The following NT5DC3 variants were observed in gnomAD, a reference collection of about 807,000 sequenced individuals.
The protein encoded by NT5DC3 is 5'-nucleotidase domain containing 3, also known as 5'-nucleotidase domain-containing protein 3.
A neutral mutation model predicts 67.8 loss-of-function variants in NT5DC3; 42 were observed. The observed-to-expected ratio is 0.62, with a 90% confidence interval of 0.48 to 0.80. NT5DC3 has a LOEUF of 0.80. NT5DC3 is among the 30% of genes least tolerant of loss of function. The pLI, the probability that NT5DC3 is intolerant of heterozygous loss-of-function variation, is 0.00. For synonymous variants in NT5DC3, 237 were observed against 255.6 expected (o/e 0.93, Z 0.69); for missense variants, 570 against 696.4 (o/e 0.82, Z 2.04).
At chr12:103,836,181 CT>C (rs1186016601) in intron 1 of NT5DC3, among the ~76,000 whole-genome samples, 1 of 152,176 alleles carries the variant, frequency 6.6e-6, no homozygotes, top group Non-Finnish European at 1.5e-5. Context: ...CATTCCGCCC[CT>C]GGTCCCTCCA....
At chr12:103,823,287 C>T (rs1212810854) in intron 1 of NT5DC3, among the ~76,000 whole-genome samples, 2 of 151,492 alleles carry the variant, frequency 1.3e-5, no homozygotes, top group South Asian at 2.1e-4. Flanking sequence ...CGAGGCTTTC[C>T]GTGAATCTCC....
At chr12:103,787,418 C>A (rs767060400) in intron 11 of NT5DC3, 23 bp downstream of exon 11, 1 of 1,359,542 alleles carries the variant, frequency 7.4e-7, no homozygotes, top group East Asian at 2.3e-5. Context: ...TGTCCCCCAA[C>A]AAAGGAAAAA....
chr12:103,815,722 A>C (rs1887222933), intron 1 of NT5DC3, among the ~76,000 whole-genome samples: 1 of 152,180 alleles, frequency 6.6e-6, no homozygotes, highest in Non-Finnish European at 1.5e-5. Flanking sequence ...GTACCTGGCC[A>C]ATGGTGATGG....
intron 4 of NT5DC3, among the ~76,000 whole-genome samples, chr12:103,802,918 C>G (rs1435920411): frequency 6.6e-6 from 1 of 152,224 alleles, no homozygotes; most frequent in East Asian, 1.9e-4. Flanking sequence ...GAGCAGGGAG[C>G]CATCCAGGCA....
At chr12:103,828,350 C>T (rs987759773) in intron 1 of NT5DC3, among the ~76,000 whole-genome samples, 1 of 152,160 alleles carries the variant, frequency 6.6e-6, no homozygotes, top group Admixed American at 6.5e-5. Flanking sequence ...TCCAGAGGCC[C>T]CTCCACTGGC....
intron 1 of NT5DC3, among the ~76,000 whole-genome samples, chr12:103,828,356 C>T (rs1164385426): frequency 2.6e-5 from 4 of 152,228 alleles, no homozygotes; most frequent in Non-Finnish European, 5.9e-5. Context: ...GGCCCCTCCA[C>T]TGGCCAGAGT....
chr12:103,793,313 T>C (rs1291043126), intron 8 of NT5DC3, 48 bp from the exon 9 acceptor site: 37 of 1,557,966 alleles, frequency 2.4e-5, no homozygotes, highest in Non-Finnish European at 3.3e-5. Flanking sequence ...AGAGATTAAC[T>C]GTGTCTGTAA....
chr12:103,799,804 C>CAAAAAAAAAAAAAAAAAAAAAA (rs72379630), intron 4 of NT5DC3, among the ~76,000 whole-genome samples: 3 of 131,494 alleles, frequency 2.3e-5, no homozygotes, highest in Non-Finnish European at 3.2e-5. Flanking sequence ...CTCCACATAC[C>CAAAAAAAAAAAAAAAAAAAAAA]AAAAAAAAAA....
intron 1 of NT5DC3, among the ~76,000 whole-genome samples, chr12:103,822,561 AAAGT>A (rs1294059871): frequency 6.6e-6 from 1 of 152,246 alleles, no homozygotes; most frequent in Non-Finnish European, 1.5e-5. Context: ...GCTAAGAAAT[AAAGT>A]AAGAAGTCAT....
At chr12:103,762,229 G>A in the NT5DC3 span, 1 of 1,607,180 alleles carries the variant, frequency 6.2e-7, no homozygotes, top group Non-Finnish European at 8.5e-7. Context: ...CTTTTGGGGA[G>A]TCAGAAGTTT....
At chr12:103,816,967 C>CTTTT (rs376622215) in intron 1 of NT5DC3, among the ~76,000 whole-genome samples, 10,277 of 118,448 alleles carry the variant, frequency 0.087, 449 homozygotes, top group East Asian at 0.23. Flanking sequence ...TTTCTTTTTT[C>CTTTT]TTTTTTTTTT....
intron 11 of NT5DC3, among the ~76,000 whole-genome samples, chr12:103,786,664 C>A (rs1885788923): frequency 6.6e-6 from 1 of 150,954 alleles, no homozygotes; most frequent in Non-Finnish European, 1.5e-5. Flanking sequence ...AGGATGCCCA[C>A]CTTCCTCACT....
chr12:103,839,599 T>TA (rs150442347), intron 1 of NT5DC3, among the ~76,000 whole-genome samples: 4,431 of 149,632 alleles, frequency 0.03, 221 homozygotes, highest in African/African-American at 0.1. Context: ...AATTACAAGT[T>TA]AAAAAAAAAA....
At chr12:103,827,453 CA>C (rs987252886) in intron 1 of NT5DC3, among the ~76,000 whole-genome samples, 11 of 152,016 alleles carry the variant, frequency 7.2e-5, no homozygotes, top group Non-Finnish European at 1.5e-4. Flanking sequence ...GTACTGAGGG[CA>C]AAACATTTGA....
chr12:103,816,623 A>G (rs549464823), intron 1 of NT5DC3, among the ~76,000 whole-genome samples: 1 of 152,364 alleles, frequency 6.6e-6, no homozygotes, highest in Admixed American at 6.5e-5. Flanking sequence ...AAGCCTTTCA[A>G]AAATTCATTC....
rs977025133 is a variant in NT5DC3 at position 103,841,000 on chromosome 12, T to C, written c.157A>G (p.Met53Val). The C allele has an allele frequency of 4.6e-6, 6 of 1,311,106 alleles. No individual in the cohort carries two copies. The highest frequency in any genetic ancestry group is 2.3e-5 in the South Asian group (1 of 43,750). 81.2% of individuals were successfully genotyped at this position (1,311,106 alleles called of 1,614,324 possible). Residue 53 changes from methionine (M) to valine (V), a missense_variant, in exon 1 of 14, where the codon ATG becomes GTG. Met to Val is a conservative substitution (Grantham distance 21, BLOSUM62 1). Transcript: ENST00000392876. ...LCTAPGTAPD[M>V]KRYLWERYRE... is the part of the protein sequence containing the mutation. ...TAGCGCTCCCACAGGTAGCGCTTCA[T>C]GTCCGGGGCGGTCCCGGGTGCAGTG...
chr12:103,807,253 G>A (rs532756437), intron 2 of NT5DC3, among the ~76,000 whole-genome samples: 1 of 152,028 alleles, frequency 6.6e-6, no homozygotes, highest in Non-Finnish European at 1.5e-5. Flanking sequence ...AGATCCCTAA[G>A]ACCCCAGGAA....
chr12:103,836,907 G>C (rs924705301), intron 1 of NT5DC3, among the ~76,000 whole-genome samples: 1 of 152,148 alleles, frequency 6.6e-6, no homozygotes, highest in African/African-American at 2.4e-5. Context: ...GTCTGGAGGA[G>C]AGTGGCCCTC....
chr12:103,793,338 T>A, intron 8 of NT5DC3, 72 bp downstream of exon 8: 1 of 1,565,644 alleles, frequency 6.4e-7, no homozygotes, highest in East Asian at 2.2e-5. Context: ...TTCTTTCCAA[T>A]TTCCAGCTGC....
Sources: gnomAD v4.1 joint callset for allele counts (sites outside exome capture counted in the v4.1 genomes callset) on GRCh38, gnomAD v4.1.1 for gene constraint, MANE v1.5 for transcripts, NCBI Gene and HGNC (gene_info 2026-07-23, HGNC 2026-07-21) for gene names.